Variants in RPS4Y1 observed in about 807,000 individuals in gnomAD.
RPS4Y1 encodes the protein ribosomal protein S4 Y-linked 1.
For missense variants in RPS4Y1, 30 were observed against 60.9 expected, an observed-to-expected ratio of 0.49 and a Z score of 1.69; for synonymous variants, 23 against 20.8, an observed-to-expected ratio of 1.10 and a Z score of -0.28.
chrY:2,857,486 G>A, intron 5 of RPS4Y1, among the ~76,000 whole-genome samples: 3 of 33,650 alleles, frequency 8.9e-5, no homozygotes, highest in Non-Finnish European at 2.2e-4. Context: ...CTTTATCTCC[G>A]CTCACTGCAA....
At chrY:2,851,218 A>C in intron 4 of RPS4Y1, among the ~76,000 whole-genome samples, 6 of 33,462 alleles carry the variant, frequency 1.8e-4, no homozygotes, top group Admixed American at 1.6e-3. Flanking sequence ...TAGGTTGGTT[A>C]AAGTAACACT....
intron 1 of RPS4Y1, chrY:2,841,890 C>T: frequency 5.4e-6 from 2 of 372,005 alleles, no homozygotes; most frequent in Non-Finnish European, 7.5e-6. Context: ...TATTTTCACA[C>T]GTTGAAGCAG....
chrY:2,847,494 AAAAG>A (rs2051153450), intron 4 of RPS4Y1, among the ~76,000 whole-genome samples: 1 of 33,784 alleles, frequency 3.0e-5, no homozygotes, highest in Non-Finnish European at 7.3e-5. Flanking sequence ...GGATGGGAGA[AAAAG>A]AAAGAGTTTG....
intron 1 of RPS4Y1, 181 bp downstream of exon 1, chrY:2,841,808 G>C: frequency 4.1e-6 from 1 of 244,176 alleles, no homozygotes; most frequent in Non-Finnish European, 6.5e-6. Flanking sequence ...GTCTCGTTGT[G>C]CTCGGTCTGG....
At chrY:2,855,802 G>C in intron 5 of RPS4Y1, among the ~76,000 whole-genome samples, 1 of 33,402 alleles carries the variant, frequency 3.0e-5, no homozygotes, top group Non-Finnish European at 7.4e-5. Flanking sequence ...CCTAGTAATA[G>C]CAGGAAGTAA....
intron 4 of RPS4Y1, among the ~76,000 whole-genome samples, chrY:2,849,723 T>G: frequency 3.0e-5 from 1 of 33,729 alleles, no homozygotes; most frequent in Non-Finnish European, 7.4e-5. Context: ...CCTCATGATA[T>G]GGCCAGTCTT....
At chrY:2,850,339 G>A (rs1028442807) in intron 4 of RPS4Y1, among the ~76,000 whole-genome samples, 2 of 34,684 alleles carry the variant, frequency 5.8e-5, no homozygotes, top group African/African-American at 1.1e-4. Context: ...TGCAGAAACT[G>A]TTGGTTAGTG....
chrY:2,865,700 A>G (rs2051167109), intron 6 of RPS4Y1, among the ~76,000 whole-genome samples: 1 of 32,691 alleles, frequency 3.1e-5, no homozygotes, highest in Non-Finnish European at 7.5e-5. Context: ...GAATAAGGGC[A>G]TTTACAAGGC....
At chrY:2,851,543 G>T (rs2051156354) in intron 4 of RPS4Y1, among the ~76,000 whole-genome samples, 4 of 33,508 alleles carry the variant, frequency 1.2e-4, no homozygotes, top group African/African-American at 2.3e-4. Context: ...CTATAGCTTC[G>T]TACTTTTCCA....
In RPS4Y1 at chrY:2,858,075, CTTTTT is replaced by C. The variant is rs2051161200; in HGVS notation, c.532+3311_532+3315del. ...CTGTTGTTTGCTTTTTATATATTTT[CTTTTT>C]TTTTTTCTCGTGGCTATCCTGGTAG... On this transcript the variant is annotated intron_variant, in intron 5 of 6. Transcript: ENST00000250784. 2.4e-4 allele frequency among the ~76,000 whole-genome samples: 7 copies of C among 28,991 alleles called. No homozygotes were observed. The South Asian group carries it at 5.5e-3, about 23-fold the overall frequency. The allele number at this position is 28,991 out of a possible 37,273, so 77.8% of individuals were successfully genotyped here.
chrY:2,858,867 A>G (rs760307867), intron 5 of RPS4Y1, among the ~76,000 whole-genome samples: 1 of 30,493 alleles, frequency 3.3e-5, no homozygotes, highest in East Asian at 8.6e-4. Context: ...CTTTTTTCTT[A>G]CTGTTTTTTT....
chrY:2,865,331 G>T, intron 6 of RPS4Y1, 86 bp downstream of exon 6: 1 of 268,606 alleles, frequency 3.7e-6, no homozygotes, highest in East Asian at 9.8e-5. Flanking sequence ...GTGTTTGTCT[G>T]TTTGTTCTTT....
At chrY:2,860,812 G>A (rs920651003) in intron 5 of RPS4Y1, among the ~76,000 whole-genome samples, 1 of 33,675 alleles carries the variant, frequency 3.0e-5, no homozygotes, top group Non-Finnish European at 7.4e-5. Flanking sequence ...TGATTATATT[G>A]TCTCTTGATG....
chrY:2,844,636 C>G, intron 3 of RPS4Y1, among the ~76,000 whole-genome samples: 1 of 33,504 alleles, frequency 3.0e-5, no homozygotes, highest in Non-Finnish European at 7.4e-5. Context: ...TTGAGGCAGA[C>G]TGGGCTCATC....
chrY:2,865,259 T>G lies in RPS4Y1; in HGVS notation c.690+14T>G. 1.3e-5 allele frequency: 5 copies of G among 385,500 alleles called. No individual in the cohort carries two copies. The highest frequency in any genetic ancestry group is 6.5e-5 in the African/African-American group (1 of 15,367). On this transcript the variant is annotated intron_variant, in intron 6 of 6. Transcript: ENST00000250784. ...GTCATTGGCAATGTAAGACTTACAC[T>G]CTCTTTACTTCTTTCTAAGAAGACT...
intron 2 of RPS4Y1, 70 bp from the exon 3 acceptor site, chrY:2,844,007 C>T: frequency 3.1e-6 from 1 of 326,337 alleles, no homozygotes. Context: ...TAAAGTACGT[C>T]ATCTGCTCAA....
intron 5 of RPS4Y1, among the ~76,000 whole-genome samples, chrY:2,862,448 G>A (rs2051164337): frequency 3.0e-5 from 1 of 33,504 alleles, no homozygotes; most frequent in Non-Finnish European, 7.4e-5. Context: ...CTATAGACAT[G>A]TTTCATTAAA....
At chrY:2,848,592 T>C (rs2051154154) in intron 4 of RPS4Y1, among the ~76,000 whole-genome samples, 1 of 33,315 alleles carries the variant, frequency 3.0e-5, no homozygotes, top group Non-Finnish European at 7.4e-5. Flanking sequence ...CAAGATTGTA[T>C]GGAAAGGGTG....
rs776516918 is a variant in RPS4Y1, at chrY:2,842,257, G to GT, written c.81+21dup. On this transcript the variant is annotated intron_variant, in intron 2 of 6. Transcript: ENST00000250784. ...CGGGTGTATTTGTGAGTATAACTTT[G>GT]TTTTTTGTGGTTTTTTTTTGTTTTT... 1.3e-5 allele frequency: 5 copies of GT among 378,231 alleles called. No individual in the cohort carries two copies. The highest frequency in any genetic ancestry group is 1.9e-5 in the Non-Finnish European group (5 of 268,627). The allele number at this position is 378,231 out of a possible 400,897, so 94.3% of individuals were successfully genotyped here. A position where few individuals can be genotyped will look rare whatever the true frequency, so the allele number is the denominator to read the frequency against.
Sources: allele counts gnomAD v4.1 joint callset (sites outside exome capture counted in the v4.1 genomes callset), GRCh38; gene constraint gnomAD v4.1.1; transcripts MANE v1.5; gene names NCBI Gene and HGNC (gene_info 2026-07-23, HGNC 2026-07-21).